The following ASIC2 variants were observed in gnomAD, a reference collection of about 807,000 sequenced individuals.
ASIC2 encodes acid sensing ion channel subunit 2.
In ASIC2, 25 loss-of-function variants were observed where a neutral mutation model predicts 57.3. The observed-to-expected ratio is 0.44, with a 90% CI of 0.32 to 0.61. The LOEUF (loss-of-function observed/expected upper bound fraction) is 0.61, where lower values mean the gene tolerates loss of function less well. Among genes scored for constraint, ASIC2 ranks in the 20% least tolerant of loss-of-function variants. The pLI, the probability that ASIC2 is intolerant of heterozygous loss-of-function variation, is 0.06. For missense variants in ASIC2, 641 were observed against 738.1 expected (o/e 0.87, Z 1.52); for synonymous variants, 319 against 307.5 (o/e 1.04, Z -0.39).
At chr17:33,965,894 C>CA (rs2141994965) in intron 1 of ASIC2, among the ~76,000 whole-genome samples, 1 of 152,264 alleles carries the variant, frequency 6.6e-6, no homozygotes, top group East Asian at 1.9e-4. Context: ...GGGACTAGCC[C>CA]AAGGGGAGCA....
At chr17:33,108,371 G>C (rs904280907) in intron 2 of ASIC2, among the ~76,000 whole-genome samples, 3 of 152,180 alleles carry the variant, frequency 2.0e-5, no homozygotes, top group Admixed American at 2.0e-4. Flanking sequence ...GGGATTGAGA[G>C]GTGGGAATGT....
chr17:34,105,973 G>C (rs1911035963), intron 1 of ASIC2, among the ~76,000 whole-genome samples: 1 of 151,752 alleles, frequency 6.6e-6, no homozygotes, highest in South Asian at 2.1e-4. Context: ...ACCTAAAAAT[G>C]CCTCTTATAA....
chr17:33,670,141 C>T (rs1460148999), intron 1 of ASIC2, among the ~76,000 whole-genome samples: 1 of 152,114 alleles, frequency 6.6e-6, no homozygotes, highest in African/African-American at 2.4e-5. Flanking sequence ...AGACTGGCAG[C>T]CTTGGGCAGT....
chr17:33,729,006 A>T (rs907931855), intron 1 of ASIC2, among the ~76,000 whole-genome samples: 56 of 152,204 alleles, frequency 3.7e-4, no homozygotes, highest in Non-Finnish European at 5.9e-4. Context: ...ATTCAAGTTC[A>T]TTGGTCTCAA....
At chr17:33,488,024 C>G (rs1351551101) in intron 1 of ASIC2, among the ~76,000 whole-genome samples, 1 of 152,184 alleles carries the variant, frequency 6.6e-6, no homozygotes, top group Non-Finnish European at 1.5e-5. Context: ...TGATAAACTC[C>G]CTTTCATATA....
intron 1 of ASIC2, among the ~76,000 whole-genome samples, chr17:33,706,854 T>C (rs1284481959): frequency 2.0e-5 from 3 of 152,224 alleles, no homozygotes; most frequent in African/African-American, 7.2e-5. Context: ...TTTTTAGTAT[T>C]TGTAACTGTG....
intron 1 of ASIC2, among the ~76,000 whole-genome samples, chr17:33,138,748 T>A (rs763351033): frequency 3.2e-5 from 3 of 94,206 alleles, no homozygotes; most frequent in Non-Finnish European, 6.3e-5. Flanking sequence ...TGCCAGCAAG[T>A]TTTTCCAGGC....
chr17:33,275,000 T>C (rs1904647100), intron 1 of ASIC2, among the ~76,000 whole-genome samples: 1 of 152,078 alleles, frequency 6.6e-6, no homozygotes, highest in Non-Finnish European at 1.5e-5. Context: ...CCACTCCCCA[T>C]GCCTCCTCAC....
intron 1 of ASIC2, among the ~76,000 whole-genome samples, chr17:33,767,922 T>C (rs1318634372): frequency 6.6e-6 from 1 of 152,198 alleles, no homozygotes; most frequent in Non-Finnish European, 1.5e-5. Flanking sequence ...ACTCAAACAG[T>C]GTAACATCTA....
At chr17:33,891,895 C>A (rs945056389) in intron 1 of ASIC2, among the ~76,000 whole-genome samples, 1 of 152,194 alleles carries the variant, frequency 6.6e-6, no homozygotes, top group African/African-American at 2.4e-5. Flanking sequence ...CACATCCCTC[C>A]CTGGAGCTAT....
intron 1 of ASIC2, among the ~76,000 whole-genome samples, chr17:33,346,569 A>C (rs1907958497): frequency 6.6e-6 from 1 of 152,270 alleles, no homozygotes; most frequent in Admixed American, 6.5e-5. Flanking sequence ...AAACTGGAGT[A>C]TTCTGGGATC....
intron 1 of ASIC2, among the ~76,000 whole-genome samples, chr17:33,282,423 T>C (rs1163734058): frequency 6.6e-6 from 1 of 151,652 alleles, no homozygotes; most frequent in African/African-American, 2.4e-5. Flanking sequence ...TGTAACACTT[T>C]CAAATCTCTT....
chr17:33,621,073 A>G (rs1312833837), intron 1 of ASIC2, among the ~76,000 whole-genome samples: 1 of 152,144 alleles, frequency 6.6e-6, no homozygotes, highest in African/African-American at 2.4e-5. Context: ...GAGCTGAACT[A>G]AAGTGCCACC....
At chr17:34,081,794 ATTTGT>A (rs1909895042) in intron 1 of ASIC2, among the ~76,000 whole-genome samples, 1 of 152,098 alleles carries the variant, frequency 6.6e-6, no homozygotes, top group Non-Finnish European at 1.5e-5. Flanking sequence ...AACTCTGACA[ATTTGT>A]TTTATCTCTA....
At chr17:33,743,748 G>T (rs1251141023) in intron 1 of ASIC2, among the ~76,000 whole-genome samples, 2 of 152,186 alleles carry the variant, frequency 1.3e-5, no homozygotes, top group Non-Finnish European at 2.9e-5. Context: ...TATAGCATCA[G>T]TTCTCTTCTG....
chr17:33,378,552 C>T (rs1004225952), intron 1 of ASIC2, among the ~76,000 whole-genome samples: 3 of 152,240 alleles, frequency 2.0e-5, no homozygotes. Context: ...TTGACACTCT[C>T]TGATTCCTCA....
At chr17:33,294,757 A>G (rs1222399769), upstream of ASIC2, among the ~76,000 whole-genome samples, 2 of 152,150 alleles carry the variant, frequency 1.3e-5, no homozygotes, top group Admixed American at 6.5e-5. Flanking sequence ...TACACAACAC[A>G]CACACACCTG....
At chr17:33,481,047 C>A (rs1913387434) in intron 1 of ASIC2, among the ~76,000 whole-genome samples, 1 of 152,180 alleles carries the variant, frequency 6.6e-6, no homozygotes, top group Non-Finnish European at 1.5e-5. Flanking sequence ...CATCATCAGC[C>A]ACCAACCTTT....
In ASIC2 at chr17:33,364,863, T is replaced by C. The variant is rs140233835; in HGVS notation, c.556-252796A>G. Among the ~76,000 whole-genome samples, 595 of 152,332 alleles carry C rather than the reference T, an allele frequency of 3.9e-3. 5 individuals carry two copies. The highest frequency in any genetic ancestry group is 0.02 in the Middle Eastern group (6 of 294). On this transcript the variant is annotated intron_variant, in intron 1 of 9. Transcript: ENST00000359872. ...CCATGAATTCCCCTTCGTTACTGTGTCTGAGTACTGCACAGCCCTCCTAAT... is the reference window on the plus strand; with the variant it reads ...CCATGAATTCCCCTTCGTTACTGTGCCTGAGTACTGCACAGCCCTCCTAAT...
Sources: gnomAD v4.1 joint callset for allele counts (sites outside exome capture counted in the v4.1 genomes callset) on GRCh38, gnomAD v4.1.1 for gene constraint, MANE v1.5 for transcripts, NCBI Gene and HGNC (gene_info 2026-07-23, HGNC 2026-07-21) for gene names.